Variants in TASP1 observed in about 807,000 individuals in gnomAD.
TASP1 encodes threonine aspartase 1.
TASP1 carries 16 observed loss-of-function variants against 56.6 expected under a neutral mutation model. The observed-to-expected ratio is 0.28, with a 90% CI of 0.19 to 0.43. The LOEUF (loss-of-function observed/expected upper bound fraction) is 0.43, where lower values mean the gene tolerates loss of function less well. Ranked by LOEUF, TASP1 falls within the 20% of genes least tolerant of loss-of-function variation. TASP1 has a pLI of 1.00. For synonymous variants in TASP1, 179 were observed against 184.2 expected, an observed-to-expected ratio of 0.97 and a Z score of 0.23; for missense variants, 393 against 511.6, an observed-to-expected ratio of 0.77 and a Z score of 2.24.
At chr20:13,333,557 C>T in the TASP1 span, among the ~76,000 whole-genome samples, 22 of 151,776 alleles carry the variant, frequency 1.4e-4, 2 homozygotes, top group Admixed American at 4.0e-4. Context: ...ACTCTTTACA[C>T]TGCCTTCTTT....
At chr20:13,358,142 C>A in the TASP1 span, among the ~76,000 whole-genome samples, 2 of 152,222 alleles carry the variant, frequency 1.3e-5, no homozygotes, top group Non-Finnish European at 2.9e-5. Context: ...TCACTCCTGC[C>A]CGCCAGAGAA....
the TASP1 span, among the ~76,000 whole-genome samples, chr20:13,380,463 G>C: frequency 1.3e-5 from 2 of 152,076 alleles, no homozygotes; most frequent in African/African-American, 4.8e-5. Context: ...GTCCCAGAGG[G>C]GCACCCGCCA....
At chr20:13,431,396 T>G (rs79384859) in intron 12 of TASP1, among the ~76,000 whole-genome samples, 3 of 152,174 alleles carry the variant, frequency 2.0e-5, no homozygotes, top group African/African-American at 7.2e-5. Flanking sequence ...CAGAGGTTTA[T>G]GACAAACCCT....
chr20:13,460,421 T>C (rs901643211), intron 11 of TASP1, among the ~76,000 whole-genome samples: 2 of 152,182 alleles, frequency 1.3e-5, no homozygotes, highest in Non-Finnish European at 2.9e-5. Context: ...TGCATCGATT[T>C]TCCTGATCTC....
At chr20:13,635,387 CTTTTTTT>C (rs34767488) in intron 1 of TASP1, among the ~76,000 whole-genome samples, 2 of 129,288 alleles carry the variant, frequency 1.5e-5, no homozygotes, top group Non-Finnish European at 3.3e-5. Flanking sequence ...TCAGCAATTT[CTTTTTTT>C]TTTTTTTTTT....
the TASP1 span, among the ~76,000 whole-genome samples, chr20:13,367,783 C>T: frequency 6.6e-6 from 1 of 152,110 alleles, no homozygotes; most frequent in African/African-American, 2.4e-5. Context: ...TTTTTTAAAG[C>T]CCAAGTTAGA....
At chr20:13,131,781 C>A in the TASP1 span, among the ~76,000 whole-genome samples, 1 of 152,088 alleles carries the variant, frequency 6.6e-6, no homozygotes, top group African/African-American at 2.4e-5. Flanking sequence ...CCAAAATTAT[C>A]TTTTTTAAAA....
At chr20:13,145,420 G>A in the TASP1 span, among the ~76,000 whole-genome samples, 1 of 152,084 alleles carries the variant, frequency 6.6e-6, no homozygotes, top group Non-Finnish European at 1.5e-5. Context: ...CCTTGGAATA[G>A]AGCTAACCAG....
the TASP1 span, among the ~76,000 whole-genome samples, chr20:13,321,343 C>T: frequency 6.7e-6 from 1 of 148,426 alleles, no homozygotes; most frequent in Non-Finnish European, 1.5e-5. Flanking sequence ...GGGCCTAAAC[C>T]ACATGAATAC....
the TASP1 span, among the ~76,000 whole-genome samples, chr20:13,335,359 CACAA>C: frequency 6.1e-5 from 9 of 146,804 alleles, no homozygotes; most frequent in Non-Finnish European, 1.3e-4. Context: ...CACACACACA[CACAA>C]ACACACACCC....
chr20:13,416,839 C>G (rs903921161), intron 13 of TASP1, among the ~76,000 whole-genome samples: 6 of 152,162 alleles, frequency 3.9e-5, no homozygotes, highest in Admixed American at 1.3e-4. Context: ...CAAAGCAACT[C>G]CGGAGATAGT....
chr20:13,167,966 G>A, the TASP1 span: 1 of 152,080 alleles, frequency 6.6e-6, no homozygotes, highest in Admixed American at 6.5e-5. Flanking sequence ...TATATATACT[G>A]GTAAAATTAA....
chr20:13,188,994 C>T, the TASP1 span, among the ~76,000 whole-genome samples: 1 of 152,172 alleles, frequency 6.6e-6, no homozygotes, highest in South Asian at 2.1e-4. Flanking sequence ...TGTAACCAAT[C>T]TCACTGTTTC....
At chr20:13,434,743 C>T (rs2042944860) in intron 12 of TASP1, among the ~76,000 whole-genome samples, 1 of 152,200 alleles carries the variant, frequency 6.6e-6, no homozygotes, top group Non-Finnish European at 1.5e-5. Context: ...ACCTCAAATG[C>T]TTTGTGGAAT....
At chr20:13,576,277 GA>G in intron 6 of TASP1, among the ~76,000 whole-genome samples, 1 of 148,026 alleles carries the variant, frequency 6.8e-6, no homozygotes, top group Middle Eastern at 3.4e-3. Flanking sequence ...AGGAAGGGAA[GA>G]GAAGAGAAAG....
At position 13,429,651 on chromosome 20, in the gene TASP1, CCTGT is replaced by C. The variant is rs755968061; in HGVS notation, c.1096+5389_1096+5392del. 1.2e-4 allele frequency among the ~76,000 whole-genome samples: 18 copies of C among 144,030 alleles called. No homozygotes were observed. The East Asian group carries it at 2.0e-3, about 16-fold the overall frequency. The allele number at this position is 144,030 out of a possible 152,430, so 94.5% of individuals were successfully genotyped here. A position where few individuals can be genotyped will look rare whatever the true frequency, so the allele number is the denominator to read the frequency against. Reference sequence around the variant, plus strand: ...GTGTGTGTGTCTGTCTGTGTGTGTGCCTGTCTGTGTGTGTGCTGCCTGCTGAAAA... The same window carrying C: ...GTGTGTGTGTCTGTCTGTGTGTGTGCCTGTGTGTGTGCTGCCTGCTGAAAA... On this transcript the variant is annotated intron_variant, in intron 12 of 13. Transcript: ENST00000337743.
the TASP1 span, among the ~76,000 whole-genome samples, chr20:13,178,755 A>G: frequency 6.6e-6 from 1 of 152,078 alleles, no homozygotes; most frequent in African/African-American, 2.4e-5. Flanking sequence ...GAGGCTTGTA[A>G]AGGTAGGGGA....
rs568461811 is a variant in TASP1, at chr20:13,571,496, T to C, written c.489-1910A>G. On this transcript the variant is annotated intron_variant, in intron 6 of 13. Coordinates refer to ENST00000337743, the MANE Select transcript of TASP1 (RefSeq NM_017714.3). ...CCATTGACTCTACCTTTATAACATA[T>C]CTGGAATCTGACCACTTCTCACCAC... 5.3e-5 allele frequency among the ~76,000 whole-genome samples: 8 copies of C among 152,310 alleles called. 1 individual carries two copies. The South Asian group carries it at 1.4e-3, about 28-fold the overall frequency.
chr20:13,306,878 G>A, the TASP1 span, among the ~76,000 whole-genome samples: 1 of 152,136 alleles, frequency 6.6e-6, no homozygotes, highest in South Asian at 2.1e-4. Context: ...TGGCTACAGA[G>A]GACAGAATCT....
Sources: allele counts gnomAD v4.1 joint callset (sites outside exome capture counted in the v4.1 genomes callset), GRCh38; gene constraint gnomAD v4.1.1; transcripts MANE v1.5; gene names NCBI Gene and HGNC (gene_info 2026-07-23, HGNC 2026-07-21).